BLNK: variants seen among roughly 807,000 people sequenced by gnomAD.
BLNK encodes the protein B cell linker.
BLNK carries 29 observed loss-of-function variants against 73.5 expected under a neutral mutation model. The ratio of observed to expected loss-of-function variants is 0.39; its 90% confidence interval spans 0.29 to 0.54. The LOEUF (loss-of-function observed/expected upper bound fraction) is 0.54. Among genes scored for constraint, BLNK ranks in the 20% least tolerant of loss-of-function variants. The pLI, the probability that BLNK is intolerant of heterozygous loss-of-function variation, is 0.61. For missense variants in BLNK, 460 were observed against 562.8 expected (o/e 0.82, Z 1.85); for synonymous variants, 176 against 200.8 (o/e 0.88, Z 1.04).
In BLNK at chr10:96,200,013, T is replaced by A; in HGVS notation, c.1095+62A>T. 1.7e-6 allele frequency: 2 copies of A among 1,180,856 alleles called. No homozygotes were observed. Among genetic ancestry groups the A allele is most frequent in the South Asian group, 5.1e-5 (2 of 39,112 alleles). 73.1% of individuals were successfully genotyped at this position (1,180,856 alleles called of 1,614,324 possible). On this transcript the variant is annotated intron_variant, in intron 15 of 16. Transcript: ENST00000224337. This position sits in a 1 kb window ranked among gnomAD's most constrained non-coding sequence, Gnocchi z 4.3. The stretch of plus-strand genomic sequence containing the variant: ...ACTGCACTCCAGTGAAACTGCATCA[T>A]CTCAAAACAAATAAATAAAATAAAA...
chr10:96,255,312 T>A (rs1183191356), intron 1 of BLNK, among the ~76,000 whole-genome samples: 3 of 152,214 alleles, frequency 2.0e-5, no homozygotes, highest in African/African-American at 7.2e-5. Flanking sequence ...AAATTACATA[T>A]TTGACAAAAA....
At position 96,209,899 on chromosome 10, in the gene BLNK, T is replaced by C. The variant is rs782305136; in HGVS notation, c.685A>G (p.Ser229Gly). 31 of 1,614,088 alleles carry C rather than the reference T, an allele frequency of 1.9e-5. No individual in the cohort carries two copies. Among genetic ancestry groups the C allele is most frequent in the Admixed American group, 3.3e-5 (2 of 60,006 alleles). The change falls in exon 9 of 17, where the codon AGT becomes GGT. Residue 229 changes from serine (S) to glycine (G), a missense_variant. Transcript: ENST00000224337. ...GGTGACTTGGTTTCCCAGGCCCCACTGTTTCGACCTGCACAAACATATACA... is the reference window on the plus strand; with the variant it reads ...GGTGACTTGGTTTCCCAGGCCCCACCGTTTCGACCTGCACAAACATATACA... ...SPPGTASGRN[S>G]GAWETKSPPP...
At chr10:96,264,539 A>G (rs1471566588) in intron 1 of BLNK, among the ~76,000 whole-genome samples, 1 of 152,092 alleles carries the variant, frequency 6.6e-6, no homozygotes, top group Non-Finnish European at 1.5e-5. Context: ...AATCACACAA[A>G]GCGTTTCCTG....
chr10:96,225,930 C>A (rs1554902368), intron 5 of BLNK, among the ~76,000 whole-genome samples: 2 of 152,114 alleles, frequency 1.3e-5, no homozygotes, highest in African/African-American at 4.8e-5. Flanking sequence ...CAGGTGTGAG[C>A]CACCGCGCTT....
intron 11 of BLNK, among the ~76,000 whole-genome samples, chr10:96,206,442 A>G (rs1564818278): frequency 6.6e-6 from 1 of 151,800 alleles, no homozygotes. Flanking sequence ...TAAATTACTC[A>G]GGAGGCTGAG....
chr10:96,230,923 C>T, intron 3 of BLNK, 89 bp from the exon 4 acceptor site: 2 of 1,399,856 alleles, frequency 1.4e-6, no homozygotes, highest in South Asian at 2.4e-5. Flanking sequence ...CACCTGCCTT[C>T]CCTTCCCTTT....
At chr10:96,267,195 G>A (rs1554914480) in intron 1 of BLNK, among the ~76,000 whole-genome samples, 1 of 152,196 alleles carries the variant, frequency 6.6e-6, no homozygotes, top group Non-Finnish European at 1.5e-5. Flanking sequence ...GAGCTGAGAG[G>A]GACTTTGGGA....
At chr10:96,213,649 C>G (rs140213655) in intron 8 of BLNK, among the ~76,000 whole-genome samples, 2 of 142,556 alleles carry the variant, frequency 1.4e-5, no homozygotes, top group Admixed American at 1.4e-4. Context: ...AAGAGGAGGT[C>G]CTTGTAAGGC....
chr10:96,229,654 C>CTCTGTGTGTG (rs1554903568), intron 4 of BLNK, among the ~76,000 whole-genome samples: 1 of 142,586 alleles, frequency 7.0e-6, no homozygotes, highest in African/African-American at 2.6e-5. Flanking sequence ...TTACATGTGG[C>CTCTGTGTGTG]TGTGTGTGTG....
intron 1 of BLNK, among the ~76,000 whole-genome samples, chr10:96,266,828 G>T (rs114407063): frequency 0.02 from 2,990 of 152,316 alleles, 92 homozygotes; most frequent in African/African-American, 0.068. Flanking sequence ...ATGCCACTCA[G>T]CTTGGGTGGT....
rs144933601 is a variant in BLNK at position 96,255,859 on chromosome 10, C to T, written c.48-8810G>A. On this transcript the variant is annotated intron_variant, in intron 1 of 16. Coordinates refer to ENST00000224337, the MANE Select transcript of BLNK (RefSeq NM_013314.4). ...AATGTTTCTAAAACCTGGATTTCAA[C>T]GATCACTCCTTCCTCAAGAGTGCAG... is the stretch of plus-strand genomic sequence containing the variant. 5.3e-5 allele frequency among the ~76,000 whole-genome samples: 8 copies of T among 152,274 alleles called. No individual in the cohort carries two copies. In the East Asian group the frequency reaches 7.7e-4, roughly 15 times the overall value.
chr10:96,259,651 C>T (rs1167105626), intron 1 of BLNK, among the ~76,000 whole-genome samples: 5 of 132,684 alleles, frequency 3.8e-5, no homozygotes, highest in African/African-American at 1.2e-4. Context: ...TAAGTTTCTC[C>T]AAACAGTTCA....
chr10:96,210,602 C>T (rs1434056210), intron 8 of BLNK, among the ~76,000 whole-genome samples: 1 of 152,202 alleles, frequency 6.6e-6, no homozygotes, highest in African/African-American at 2.4e-5. Context: ...AGATAGATGC[C>T]AGACAATCGT....
intron 1 of BLNK, among the ~76,000 whole-genome samples, chr10:96,270,640 G>GA (rs781974850): frequency 1.7e-4 from 26 of 149,946 alleles, no homozygotes; most frequent in African/African-American, 3.4e-4. Context: ...TAAAAAATGT[G>GA]AAAAAAAAAC....
At chr10:96,236,087 G>A (rs1375266138) in intron 3 of BLNK, among the ~76,000 whole-genome samples, 1 of 152,094 alleles carries the variant, frequency 6.6e-6, no homozygotes, top group Non-Finnish European at 1.5e-5. Flanking sequence ...GGTGGTGGCT[G>A]GGGCAAAGGG....
chr10:96,247,826 C>G (rs551048776), intron 1 of BLNK, among the ~76,000 whole-genome samples: 15 of 152,290 alleles, frequency 9.8e-5, no homozygotes, highest in African/African-American at 3.4e-4. Context: ...TCAGACTGGT[C>G]GTGGGCCACT....
At chr10:96,218,413 G>A (rs920872999) in intron 6 of BLNK, among the ~76,000 whole-genome samples, 1 of 152,170 alleles carries the variant, frequency 6.6e-6, no homozygotes, top group African/African-American at 2.4e-5. Context: ...AGACCCAGAA[G>A]GGCACAGTGG....
chr10:96,246,873 G>T, intron 2 of BLNK, 111 bp downstream of exon 2: 1 of 777,266 alleles, frequency 1.3e-6, no homozygotes, highest in Non-Finnish European at 2.1e-6. Flanking sequence ...AGGGTTACGT[G>T]CTAAAGAGGT....
chr10:96,210,910 C>A (rs947295082), intron 8 of BLNK, among the ~76,000 whole-genome samples: 4 of 147,686 alleles, frequency 2.7e-5, no homozygotes, highest in Admixed American at 6.8e-5. Flanking sequence ...GTTCTGTCAC[C>A]CAGGCTGGAG....
Sources: allele counts gnomAD v4.1 joint callset (sites outside exome capture counted in the v4.1 genomes callset), GRCh38; gene constraint gnomAD v4.1.1; non-coding constraint Gnocchi (gnomAD v3.1); transcripts MANE v1.5; gene names NCBI Gene and HGNC (gene_info 2026-07-23, HGNC 2026-07-21).